SHROOM2: variants seen among roughly 807,000 people sequenced by gnomAD.
SHROOM2 encodes shroom family member 2.
In SHROOM2, 33 loss-of-function variants were observed where a neutral mutation model predicts 75.9. The ratio of observed to expected loss-of-function variants is 0.43; its 90% CI spans 0.33 to 0.58. The LOEUF (loss-of-function observed/expected upper bound fraction) is 0.58. SHROOM2 is among the 20% of genes least tolerant of loss of function. SHROOM2 has a pLI of 0.04. For synonymous variants in SHROOM2, 655 were observed against 663.6 expected (o/e 0.99, Z 0.20); for missense variants, 1,434 against 1,461.2 (o/e 0.98, Z 0.30).
chrX:9,883,407 C>T (rs1345334969), intron 2 of SHROOM2, among the ~76,000 whole-genome samples: 1 of 111,654 alleles, frequency 9.0e-6, no homozygotes, highest in Non-Finnish European at 1.9e-5. Flanking sequence ...GAGGTGGAAA[C>T]GTAGGATGGG....
In SHROOM2 at chrX:9,891,110, T is replaced by C; in HGVS notation, c.449+2T>C. ...CTGGTCCGGCCGACACCACGCGAGG[T>C]AGGCACCCATTCCCGTCCAGGATGC... On this transcript the variant is annotated splice_donor_variant, in intron 3 of 9. Transcript: ENST00000380913. LOFTEE classifies it high-confidence loss of function. The C allele has an allele frequency of 8.3e-7, 1 of 1,202,815 alleles. No individual in the cohort carries two copies. The highest frequency in any genetic ancestry group is 1.1e-6 in the Non-Finnish European group (1 of 891,198).
At chrX:9,935,939 G>A (rs1035234466) in intron 6 of SHROOM2, among the ~76,000 whole-genome samples, 4 of 110,956 alleles carry the variant, frequency 3.6e-5, no homozygotes, top group African/African-American at 9.9e-5. Context: ...GGCTGAGATG[G>A]CCCTGGTCAG....
Position 9,894,811 on chromosome X carries a change from C to A in SHROOM2, c.903C>A (p.Val301=). ...CTGGGAGGTCCAATTTTGGGCCAGT[C>A]TGGTATGTTCCCGATAAGAAGAAAG... ...AAPGRSNFGP[V]WYVPDKKKAP... Residue 301 remains valine, a synonymous_variant, in exon 4 of 10, where the codon GTC becomes GTA. Transcript: ENST00000380913. 2 of 1,212,096 alleles carry A rather than the reference C, an allele frequency of 1.7e-6. No homozygotes were observed. The highest frequency in any genetic ancestry group is 2.2e-6 in the Non-Finnish European group (2 of 895,547).
intron 1 of SHROOM2, among the ~76,000 whole-genome samples, chrX:9,870,342 A>G (rs1213989175): frequency 8.9e-6 from 1 of 112,189 alleles, no homozygotes; most frequent in Non-Finnish European, 1.9e-5. Context: ...TACTTTAGTC[A>G]ATATTTTTAT....
At chrX:9,877,847 G>A (rs1049805112) in intron 2 of SHROOM2, among the ~76,000 whole-genome samples, 56 of 107,064 alleles carry the variant, frequency 5.2e-4, no homozygotes, top group Non-Finnish European at 8.7e-4. Flanking sequence ...AGGAGAGGAA[G>A]CAGGGTTGGG....
chrX:9,835,361 G>C (rs183600047), intron 1 of SHROOM2, among the ~76,000 whole-genome samples: 281 of 111,856 alleles, frequency 2.5e-3, no homozygotes, highest in African/African-American at 8.6e-3. Flanking sequence ...TTAATGTTTC[G>C]AGCCTTGCTG....
At chrX:9,808,805 T>A (rs1272221853) in intron 1 of SHROOM2, among the ~76,000 whole-genome samples, 1 of 110,439 alleles carries the variant, frequency 9.1e-6, no homozygotes, top group African/African-American at 3.3e-5. Context: ...GAGGTTGCAG[T>A]GAGCCAAGTT....
At chrX:9,890,323 T>G (rs150676408) in intron 2 of SHROOM2, among the ~76,000 whole-genome samples, 1,259 of 112,718 alleles carry the variant, frequency 0.011, 22 homozygotes, top group East Asian at 0.096. Context: ...GCCAAGATCA[T>G]GCCATTGCAC....
intron 2 of SHROOM2, among the ~76,000 whole-genome samples, chrX:9,886,783 C>T (rs112523923): frequency 0.015 from 1,731 of 111,957 alleles, 40 homozygotes; most frequent in African/African-American, 0.053. Flanking sequence ...ATTTCCTTTT[C>T]ATTGACAAGT....
At chrX:9,935,412 G>T (rs944843481) in intron 6 of SHROOM2, among the ~76,000 whole-genome samples, 1 of 110,149 alleles carries the variant, frequency 9.1e-6, no homozygotes, top group Non-Finnish European at 1.9e-5. Flanking sequence ...ACTCCTGGGC[G>T]CAAGCAGTCC....
intron 1 of SHROOM2, among the ~76,000 whole-genome samples, chrX:9,833,316 G>C (rs2083925872): frequency 9.0e-6 from 1 of 111,469 alleles, no homozygotes; most frequent in Non-Finnish European, 1.9e-5. Flanking sequence ...TCTTGTGTTA[G>C]TGTAGTGACC....
chrX:9,895,376 C>T lies in SHROOM2; in HGVS notation c.1468C>T (p.Leu490Phe), dbSNP rs778449736. 1 of 1,197,287 alleles carries T rather than the reference C, an allele frequency of 8.4e-7. No homozygotes were observed. The highest frequency in any genetic ancestry group is 1.8e-5 in the African/African-American group (1 of 57,058). ...CVQGDLQAAQ[L>F]WAGCWPSDTA... ...GCAGGGAGACCTGCAAGCAGCACAG[C>T]TCTGGGCGGGATGCTGGCCTTCTGA... The change falls in exon 4 of 10, where the codon CTC (leucine) becomes TTC (phenylalanine). Residue 490 changes from leucine (L) to phenylalanine (F), a missense_variant. Around this residue, in one of 3 missense-constraint regions of SHROOM2, gnomAD observed 1,340 missense variants for 1,338.3 expected, o/e 1.00. Coordinates refer to ENST00000380913, the MANE Select transcript of SHROOM2 (RefSeq NM_001649.4).
intron 2 of SHROOM2, 29 bp from the exon 3 acceptor site, chrX:9,890,948 C>G (rs777922560): frequency 6.8e-6 from 8 of 1,174,529 alleles, no homozygotes; most frequent in Non-Finnish European, 9.1e-6. Flanking sequence ...CAGTCCCTGA[C>G]CCCCCGCCTC....
chrX:9,889,841 T>C (rs2084280749), intron 2 of SHROOM2, among the ~76,000 whole-genome samples: 1 of 111,744 alleles, frequency 8.9e-6, no homozygotes, highest in Admixed American at 9.5e-5. Flanking sequence ...CCTAGGTAAA[T>C]AGACACAGAT....
intron 1 of SHROOM2, among the ~76,000 whole-genome samples, chrX:9,854,651 T>C (rs1004736139): frequency 1.8e-5 from 2 of 111,742 alleles, no homozygotes; most frequent in East Asian, 5.6e-4. Flanking sequence ...GAGAAAGAAA[T>C]AATTGCCTGA....
intron 5 of SHROOM2, among the ~76,000 whole-genome samples, chrX:9,924,279 G>C (rs2084573517): frequency 8.9e-6 from 1 of 112,569 alleles, no homozygotes; most frequent in South Asian, 3.6e-4. Context: ...ATGACTGAAA[G>C]CTGGGCATGC....
At chrX:9,886,016 A>G (rs1429037334) in intron 2 of SHROOM2, among the ~76,000 whole-genome samples, 1 of 111,674 alleles carries the variant, frequency 9.0e-6, no homozygotes, top group Non-Finnish European at 1.9e-5. Flanking sequence ...GTAAGAACAC[A>G]TATATCTGTA....
chrX:9,882,911 T>A (rs2084239947), intron 2 of SHROOM2, among the ~76,000 whole-genome samples: 1 of 112,559 alleles, frequency 8.9e-6, no homozygotes, highest in Admixed American at 9.4e-5. Context: ...TCTTATCTCC[T>A]AGGACCATAG....
At chrX:9,903,962 C>T (rs927112548) in intron 5 of SHROOM2, among the ~76,000 whole-genome samples, 1 of 110,536 alleles carries the variant, frequency 9.0e-6, no homozygotes, top group East Asian at 2.8e-4. Flanking sequence ...TTGGTTTGGT[C>T]GCGTGATTCT....
Sources: allele counts gnomAD v4.1 joint callset (sites outside exome capture counted in the v4.1 genomes callset), GRCh38; gene constraint gnomAD v4.1.1; regional missense constraint gnomAD v4.1.1; transcripts MANE v1.5; gene names NCBI Gene and HGNC (gene_info 2026-07-23, HGNC 2026-07-21).